SLC10A6: variants seen among roughly 807,000 people sequenced by gnomAD.
SLC10A6 encodes the protein sodium-dependent organic anion transporter.
In SLC10A6, 27 loss-of-function variants were observed where a neutral mutation model predicts 30.0. The observed-to-expected ratio is 0.90, with a 90% CI of 0.66 to 1.24. The LOEUF (loss-of-function observed/expected upper bound fraction) is 1.24, where lower values mean the gene tolerates loss of function less well. Among genes scored for constraint, SLC10A6 ranks in the 50% most tolerant of loss-of-function variants. The probability of loss-of-function intolerance (pLI) is 0.00; values close to 1 mark genes in which losing one functional copy is unlikely to be tolerated. For synonymous variants in SLC10A6, 166 were observed against 173.8 expected (o/e 0.95, Z 0.36); for missense variants, 439 against 457.0 (o/e 0.96, Z 0.36).
intron 3 of SLC10A6, among the ~76,000 whole-genome samples, chr4:86,830,284 G>A (rs1342733489): frequency 6.6e-6 from 1 of 152,152 alleles, no homozygotes; most frequent in Admixed American, 6.6e-5. Context: ...TGTAGTGCTA[G>A]CTACCTCAGA....
intron 1 of SLC10A6, among the ~76,000 whole-genome samples, chr4:86,843,516 T>G (rs932655871): frequency 6.6e-6 from 1 of 152,150 alleles, no homozygotes; most frequent in Non-Finnish European, 1.5e-5. Flanking sequence ...CACAAAATAC[T>G]TAATATTTAA....
intron 3 of SLC10A6, 29 bp downstream of exon 3, chr4:86,831,763 G>A (rs758521332): frequency 5.3e-5 from 84 of 1,580,274 alleles, no homozygotes; most frequent in Non-Finnish European, 6.8e-5. Context: ...GTCTGAGGAC[G>A]TGCCAACAGT....
intron 3 of SLC10A6, among the ~76,000 whole-genome samples, chr4:86,829,741 G>GTT (rs771242691): frequency 6.9e-6 from 1 of 145,494 alleles, no homozygotes; most frequent in African/African-American, 2.5e-5. Context: ...CATTAGCCTA[G>GTT]TTTTTTTTTT....
chr4:86,833,235 T>C (rs893607443), intron 2 of SLC10A6, 71 bp downstream of exon 2: 31 of 1,208,484 alleles, frequency 2.6e-5, no homozygotes, highest in Non-Finnish European at 3.7e-5. Context: ...AAGAGTTATA[T>C]AATTAAGAAC....
intron 4 of SLC10A6, 23 bp downstream of exon 4, chr4:86,827,970 G>C (rs770592330): frequency 6.2e-7 from 1 of 1,605,426 alleles, no homozygotes; most frequent in South Asian, 1.1e-5. Flanking sequence ...CCTCAAAAAA[G>C]TTTATGGATA....
rs1746119141 is a variant in SLC10A6, at chr4:86,833,328, G to C, written c.474C>G (p.Leu158=). The C allele has an allele frequency of 6.2e-7, 1 of 1,613,762 alleles. No individual in the cohort carries two copies. Among genetic ancestry groups the C allele is most frequent in the African/African-American group, 1.3e-5 (1 of 74,918 alleles). The change falls in exon 2 of 6, where the codon CTC becomes CTG. Residue 158 remains leucine (L), a synonymous_variant. Transcript: ENST00000273905. ...YTWSWSLQQN[L]TIPYQNIGIT... ...GACCTATGTTCTGATAAGGAATGGT[G>C]AGATTCTGCTGAAGACTCCAGGACC...
At chr4:86,831,150 T>G (rs1226797987) in intron 3 of SLC10A6, among the ~76,000 whole-genome samples, 2 of 152,196 alleles carry the variant, frequency 1.3e-5, no homozygotes, top group African/African-American at 4.8e-5. Flanking sequence ...TTGAATTATT[T>G]TTAAAAGCCA....
chr4:86,834,190 C>A (rs1746141797), intron 1 of SLC10A6, among the ~76,000 whole-genome samples: 1 of 152,076 alleles, frequency 6.6e-6, no homozygotes, highest in Admixed American at 6.6e-5. Flanking sequence ...TTCTTATGAG[C>A]TCTAGTTGTT....
intron 4 of SLC10A6, among the ~76,000 whole-genome samples, chr4:86,826,440 G>A (rs752594610): frequency 3.3e-5 from 5 of 151,954 alleles, no homozygotes; most frequent in African/African-American, 4.8e-5. Flanking sequence ...TTAGCCTGGC[G>A]TGGTGGCACA....
At chr4:86,843,136 G>T (rs888556693) in intron 1 of SLC10A6, among the ~76,000 whole-genome samples, 1 of 152,020 alleles carries the variant, frequency 6.6e-6, no homozygotes, top group Non-Finnish European at 1.5e-5. Context: ...CTCCCAAAGT[G>T]CTGGGATTAC....
Position 86,833,386 on chromosome 4 carries a change from C to T in SLC10A6, c.416G>A (p.Gly139Glu). The change falls in exon 2 of 6, where the codon GGA becomes GAA. Residue 139 changes from glycine (G) to glutamate (E), a missense_variant. By Grantham distance (98) the Gly-to-Glu change is moderately conservative. Transcript: ENST00000273905. ...MTTCSTVAAL[G>E]MMPLCIYLYT... ...GAGATAAATGCAGAGTGGCATCATT[C>T]CCAGGGCGGCCACGGTGGAACAGGT... 1 of 1,613,880 alleles carries T rather than the reference C, an allele frequency of 6.2e-7. No individual in the cohort carries two copies. The highest frequency in any genetic ancestry group is 2.2e-5 in the East Asian group (1 of 44,878).
chr4:86,836,680 T>C (rs549789401), intron 1 of SLC10A6, among the ~76,000 whole-genome samples: 5 of 152,214 alleles, frequency 3.3e-5, no homozygotes, highest in Non-Finnish European at 7.4e-5. Context: ...CTAAGACAAT[T>C]ACTATATTGT....
intron 3 of SLC10A6, among the ~76,000 whole-genome samples, chr4:86,829,485 T>G: frequency 6.6e-6 from 1 of 151,996 alleles, no homozygotes; most frequent in East Asian, 1.9e-4. Flanking sequence ...TTTCAAAGTT[T>G]AATATCCACC....
chr4:86,827,426 C>T lies in SLC10A6; in HGVS notation c.761+567G>A, dbSNP rs537187566. 1.8e-4 allele frequency among the ~76,000 whole-genome samples: 28 copies of T among 152,240 alleles called. No individual in the cohort carries two copies. In the South Asian group the frequency reaches 4.1e-3, roughly 23 times the overall value. ...ATAGATGGGGTAAAGCTTTACCGGG[C>T]GCTTAGTACAACCCTAAATGTTCCC... On this transcript the variant is annotated intron_variant, in intron 4 of 5. Coordinates refer to ENST00000273905, the MANE Select transcript of SLC10A6 (RefSeq NM_197965.3).
chr4:86,831,082 C>G (rs1469792038), intron 3 of SLC10A6, among the ~76,000 whole-genome samples: 1 of 152,190 alleles, frequency 6.6e-6, no homozygotes, highest in Non-Finnish European at 1.5e-5. Context: ...AAGCAATCCT[C>G]CCACCTCAGC....
At position 86,828,081 on chromosome 4, in the gene SLC10A6, T is replaced by C. The variant is rs1036179802; in HGVS notation, c.673A>G (p.Thr225Ala). ...AAGATGAAACTGATGGTCAGAAGGG[T>C]GATGTCTGAATTCCAAGATCCTTTC... ...LAKGSWNSDI[T>A]LLTISFIFPL... Residue 225 changes from threonine to alanine, a missense_variant, in exon 4 of 6, where the codon ACC becomes GCC. Thr to Ala is a moderately conservative substitution (Grantham distance 58). Coordinates refer to ENST00000273905, the MANE Select transcript of SLC10A6 (RefSeq NM_197965.3). 6.2e-7 allele frequency: 1 copy of C among 1,613,576 alleles called. No individual in the cohort carries two copies.
intron 4 of SLC10A6, among the ~76,000 whole-genome samples, chr4:86,827,737 T>C (rs1272140866): frequency 1.3e-5 from 2 of 152,202 alleles, no homozygotes; most frequent in Admixed American, 1.3e-4. Context: ...AATCAAATCA[T>C]GTCGTTTTCT....
chr4:86,826,692 T>C (rs1746006157), intron 4 of SLC10A6, among the ~76,000 whole-genome samples: 2 of 152,174 alleles, frequency 1.3e-5, no homozygotes, highest in Admixed American at 6.5e-5. Flanking sequence ...ACTTTATTGG[T>C]TTTCTGGTTG....
intron 1 of SLC10A6, among the ~76,000 whole-genome samples, chr4:86,836,149 GA>G (rs1359957950): frequency 1.3e-5 from 2 of 152,182 alleles, no homozygotes; most frequent in African/African-American, 4.8e-5. Context: ...AACAAATCCA[GA>G]ATGATTTCTA....
Sources: allele counts gnomAD v4.1 joint callset (sites outside exome capture counted in the v4.1 genomes callset), GRCh38; gene constraint gnomAD v4.1.1; transcripts MANE v1.5; gene names NCBI Gene and HGNC (gene_info 2026-07-23, HGNC 2026-07-21).